The following PPP2R3A variants were observed in gnomAD, a reference collection of about 807,000 sequenced individuals.
PPP2R3A encodes serine/threonine-protein phosphatase 2A regulatory subunit B'' subunit alpha.
PPP2R3A carries 80 observed loss-of-function variants against 106.9 expected under a neutral mutation model. The ratio of observed to expected loss-of-function variants is 0.75; its 90% confidence interval spans 0.62 to 0.90. The LOEUF (loss-of-function observed/expected upper bound fraction) is 0.90. Ranked by LOEUF, PPP2R3A falls within the 40% of genes least tolerant of loss-of-function variation. The pLI, the probability that PPP2R3A is intolerant of heterozygous loss-of-function variation, is 0.00. For synonymous variants in PPP2R3A, 483 were observed against 468.3 expected (o/e 1.03, Z -0.41); for missense variants, 1,386 against 1,350.4 (o/e 1.03, Z -0.41).
At chr3:136,093,394 G>C (rs1173134047) in intron 10 of PPP2R3A, among the ~76,000 whole-genome samples, 1 of 152,150 alleles carries the variant, frequency 6.6e-6, no homozygotes, top group African/African-American at 2.4e-5. Flanking sequence ...GGGTGACAGA[G>C]TAAGACCTCA....
At position 136,145,049 on chromosome 3, in the gene PPP2R3A, A is replaced by C; in HGVS notation, c.3336A>C (p.Glu1112Asp). 1.2e-6 allele frequency: 2 copies of C among 1,610,806 alleles called. No individual in the cohort carries two copies. Among genetic ancestry groups the C allele is most frequent in the Non-Finnish European group, 1.7e-6 (2 of 1,178,846 alleles). The change falls in exon 14 of 14, where the codon GAA becomes GAC. Residue 1112 changes from glutamate to aspartate, a missense_variant. Transcript: ENST00000264977. The part of the protein sequence containing the change: ...SAQAQFQEGF[E>D]DYETDEPASP... ...TTTTGCTTTGTTATTTCAGCTTTGA[A>C]GATTATGAAACAGATGAACCTGCCT...
Position 136,021,759 on chromosome 3 carries a change from T to C in PPP2R3A, c.1996-5073T>C, listed in dbSNP as rs79756497. ...ATGTGTTCTACATCTAGTTGGAAAA[T>C]ATTTGGGGAAAAAAGTATGGTTGCA... is the stretch of plus-strand genomic sequence containing the variant. On this transcript the variant is annotated intron_variant, in intron 2 of 13. Transcript: ENST00000264977. 7.3e-3 allele frequency among the ~76,000 whole-genome samples: 1,115 copies of C among 152,152 alleles called. 17 individuals are homozygous for C. Among genetic ancestry groups the C allele is most frequent in the African/African-American group, 0.025 (1,059 of 41,544 alleles).
intron 1 of PPP2R3A, among the ~76,000 whole-genome samples, chr3:135,979,616 C>G (rs936427525): frequency 2.6e-5 from 4 of 151,794 alleles, no homozygotes; most frequent in Admixed American, 2.6e-4. Context: ...CCCTCTCAAT[C>G]CATGTTGTTG....
intron 4 of PPP2R3A, among the ~76,000 whole-genome samples, chr3:136,045,087 C>T (rs1427100770): frequency 2.6e-5 from 4 of 152,200 alleles, no homozygotes; most frequent in Admixed American, 2.6e-4. Flanking sequence ...GCAGGGCTGT[C>T]TTTCCCACAG....
chr3:136,004,872 A>G (rs1933788329), intron 2 of PPP2R3A, among the ~76,000 whole-genome samples: 1 of 152,188 alleles, frequency 6.6e-6, no homozygotes, highest in South Asian at 2.1e-4. Context: ...ATTCTTAAAT[A>G]TTACGTAGTA....
At chr3:136,096,956 G>A (rs1054936912) in intron 10 of PPP2R3A, among the ~76,000 whole-genome samples, 2 of 151,724 alleles carry the variant, frequency 1.3e-5, no homozygotes, top group South Asian at 2.1e-4. Context: ...GTGACAGAGC[G>A]AGACTTTGTC....
At chr3:136,101,936 G>T in intron 10 of PPP2R3A, 71 bp from the exon 11 acceptor site, 2 of 1,445,274 alleles carry the variant, frequency 1.4e-6, no homozygotes, top group East Asian at 2.3e-5. Flanking sequence ...TACTTTAAAA[G>T]AAACATACTA....
At chr3:136,049,520 G>A (rs545693743) in intron 5 of PPP2R3A, among the ~76,000 whole-genome samples, 159 bp downstream of exon 5, 2 of 142,668 alleles carry the variant, frequency 1.4e-5, no homozygotes, top group Non-Finnish European at 2.9e-5. Flanking sequence ...AGATCCTCTC[G>A]TTAAATGAAA....
At chr3:135,973,972 C>A (rs1030802992) in intron 1 of PPP2R3A, among the ~76,000 whole-genome samples, 2 of 152,200 alleles carry the variant, frequency 1.3e-5, no homozygotes, top group Non-Finnish European at 2.9e-5. Flanking sequence ...CCCCTTCCCC[C>A]ACTGAAGCAC....
rs746028967 is a variant in PPP2R3A, at chr3:136,001,513, C to T, written c.15C>T (p.Tyr5=). MAAT[Y]RLVVSTVNHY... is the part of the protein sequence containing the mutation. ...GATTTGATATTATGGCAGCAACTTA[C>T]AGACTTGTGGTTAGTACTGTGAACC... The change falls in exon 2 of 14, where the codon TAC becomes TAT. Residue 5 remains tyrosine, a synonymous_variant. Transcript: ENST00000264977. 5.6e-6 allele frequency: 9 copies of T among 1,611,620 alleles called. No homozygotes were observed. The East Asian group carries it at 1.8e-4, about 32-fold the overall frequency.
intron 10 of PPP2R3A, 50 bp downstream of exon 10, chr3:136,090,717 C>A (rs1576495933): frequency 2.0e-6 from 3 of 1,473,238 alleles, no homozygotes; most frequent in Non-Finnish European, 2.8e-6. Flanking sequence ...ATGCACAAAG[C>A]TTGAAAAAGT....
chr3:136,093,621 T>C (rs1937148653), intron 10 of PPP2R3A, among the ~76,000 whole-genome samples: 2 of 152,110 alleles, frequency 1.3e-5, no homozygotes, highest in African/African-American at 2.4e-5. Flanking sequence ...CCAAAGAAGA[T>C]ATATGCATGG....
In PPP2R3A at chr3:136,003,274, G is replaced by A. The variant is rs1348215133; in HGVS notation, c.1776G>A (p.Leu592=). 13 of 1,613,884 alleles carry A rather than the reference G, an allele frequency of 8.1e-6. No homozygotes were observed. Among genetic ancestry groups the A allele is most frequent in the South Asian group, 1.1e-5 (1 of 91,058 alleles). Residue 592 remains leucine (L), a synonymous_variant, in exon 2 of 14, where the codon CTG becomes CTA. Transcript: ENST00000264977. ...AGGAAGAGGATCGAGCCCTCTTACT[G>A]CGAATCCTGGAAAGCATTGAAGACT... The part of the protein sequence containing the change: ...KIEEEDRALL[L]RILESIEDFA...
intron 7 of PPP2R3A, among the ~76,000 whole-genome samples, chr3:136,080,913 A>G (rs753024201): frequency 2.0e-5 from 3 of 152,136 alleles, no homozygotes; most frequent in African/African-American, 4.8e-5. Flanking sequence ...TCCAGTGTTT[A>G]TATTTTAAAA....
At chr3:136,114,673 T>G (rs376188332) in intron 13 of PPP2R3A, among the ~76,000 whole-genome samples, 1 of 152,180 alleles carries the variant, frequency 6.6e-6, no homozygotes, top group Admixed American at 6.5e-5. Flanking sequence ...ACTGGGAAGT[T>G]TGAAGTGGGA....
intron 13 of PPP2R3A, among the ~76,000 whole-genome samples, chr3:136,125,275 G>A (rs1033314186): frequency 2.0e-4 from 30 of 152,100 alleles, no homozygotes; most frequent in Non-Finnish European, 2.5e-4. Flanking sequence ...AGCTGAGATC[G>A]TGCCATTGCA....
chr3:136,041,238 G>GTTTTTTTTTTTTTTTTTTTTTTTT (rs67116006), intron 4 of PPP2R3A, among the ~76,000 whole-genome samples: 3 of 92,934 alleles, frequency 3.2e-5, no homozygotes, highest in African/African-American at 4.5e-5. Flanking sequence ...GGTTTTTCTT[G>GTTTTTTTTTTTTTTTTTTTTTTTT]TTTTTTTTTT....
At chr3:136,013,624 A>G (rs923857665) in intron 2 of PPP2R3A, among the ~76,000 whole-genome samples, 1 of 151,952 alleles carries the variant, frequency 6.6e-6, no homozygotes, top group Non-Finnish European at 1.5e-5. Flanking sequence ...GCATTTTTTC[A>G]TATATTTGTT....
intron 6 of PPP2R3A, among the ~76,000 whole-genome samples, chr3:136,072,007 C>T (rs1442843413): frequency 3.3e-5 from 5 of 152,062 alleles, no homozygotes; most frequent in African/African-American, 1.2e-4. Context: ...TCTTCCTCTG[C>T]CCCCTCCCCC....
Sources: gnomAD v4.1 joint callset for allele counts (sites outside exome capture counted in the v4.1 genomes callset) on GRCh38, gnomAD v4.1.1 for gene constraint, MANE v1.5 for transcripts, NCBI Gene and HGNC (gene_info 2026-07-23, HGNC 2026-07-21) for gene names.